The following KIAA0753 variants were observed in gnomAD, a reference collection of about 807,000 sequenced individuals.
KIAA0753 encodes the protein KIAA0753, also known as protein moonraker.
In KIAA0753, 114 loss-of-function variants were observed where a neutral mutation model predicts 116.9. The ratio of observed to expected loss-of-function variants is 0.98; its 90% CI spans 0.84 to 1.14. The LOEUF is 1.14. Ranked by LOEUF, KIAA0753 falls within the 50% of genes most tolerant of loss-of-function variation. KIAA0753 has a pLI of 0.00. For synonymous variants in KIAA0753, 405 were observed against 413.1 expected, an observed-to-expected ratio of 0.98 and a Z score of 0.24; for missense variants, 1,156 against 1,172.4, an observed-to-expected ratio of 0.99 and a Z score of 0.20.
Position 6,590,558 on chromosome 17 carries a change from C to T in KIAA0753, c.2513G>A (p.Arg838His), listed in dbSNP as rs765004531. ...HPIRITKTVD[R>H]KDPAVNIMLE... ...CATGATGTTCACGGCTGGATCCTTG[C>T]GATCCACTGTCTTCGTGATTCTGAT... The change falls in exon 17 of 19, where the codon CGC (arginine) becomes CAC (histidine). Residue 838 changes from arginine (R) to histidine (H), a missense_variant. Arg to His is a conservative substitution (Grantham distance 29). Transcript: ENST00000361413. The T allele has an allele frequency of 1.6e-5, 26 of 1,613,432 alleles. 1 individual carries two copies. The highest frequency in any genetic ancestry group is 1.5e-4 in the Admixed American group (9 of 59,996).
intron 18 of KIAA0753, among the ~76,000 whole-genome samples, chr17:6,580,726 A>ACAG (rs1338691502): frequency 1.3e-5 from 2 of 152,164 alleles, no homozygotes; most frequent in Non-Finnish European, 2.9e-5. Flanking sequence ...TAAAACATAC[A>ACAG]CAGGATGGAC....
Position 6,611,973 on chromosome 17 carries a change from C to G in KIAA0753, c.1491G>C (p.Val497=). 1 of 1,614,110 alleles carries G rather than the reference C, an allele frequency of 6.2e-7. No homozygotes were observed. ...AKTKAGKKKP[V]TENVPFRKKD... ...TCTTCCTAAACGGCACATTCTCAGT[C>G]ACAGGCTTCTTTTTCCCTGCTTTTG... The change falls in exon 8 of 19, where the codon GTG becomes GTC. Residue 497 remains valine (V), a synonymous_variant. Coordinates refer to ENST00000361413, the MANE Select transcript of KIAA0753 (RefSeq NM_014804.3).
intron 1 of KIAA0753, among the ~76,000 whole-genome samples, chr17:6,636,608 C>A (rs900786035): frequency 1.3e-5 from 2 of 152,076 alleles, no homozygotes; most frequent in African/African-American, 4.8e-5. Flanking sequence ...TTTCCCACTG[C>A]TCCAGGAAAC....
chr17:6,608,886 C>T (rs1970359179), intron 9 of KIAA0753, among the ~76,000 whole-genome samples: 1 of 152,216 alleles, frequency 6.6e-6, no homozygotes. Flanking sequence ...CTCTAAAAGA[C>T]AGTCCATTGT....
chr17:6,615,609 C>T (rs1246718840), intron 7 of KIAA0753, among the ~76,000 whole-genome samples: 9 of 88,446 alleles, frequency 1.0e-4, no homozygotes, highest in African/African-American at 2.6e-4. Flanking sequence ...AGCGAGACTC[C>T]GTCTCAAAAA....
chr17:6,606,996 C>A, intron 11 of KIAA0753, 34 bp from the exon 12 acceptor site: 1 of 1,589,902 alleles, frequency 6.3e-7, no homozygotes, highest in East Asian at 2.2e-5. Flanking sequence ...CCCCAACTCT[C>A]CTCAAGGCAG....
At chr17:6,628,972 A>C (rs1385489474) in intron 2 of KIAA0753, among the ~76,000 whole-genome samples, 1 of 152,158 alleles carries the variant, frequency 6.6e-6, no homozygotes, top group African/African-American at 2.4e-5. Flanking sequence ...TCTGTTTACT[A>C]ATGTCATACT....
At chr17:6,589,643 C>T (rs920973297) in intron 18 of KIAA0753, 136 bp downstream of exon 18, 12 of 608,554 alleles carry the variant, frequency 2.0e-5, no homozygotes, top group Admixed American at 3.6e-5. Context: ...TGTCTCCTAG[C>T]CCAAGAACAA....
In KIAA0753 at chr17:6,596,196, C is replaced by A. The variant is rs1445385596; in HGVS notation, c.2320G>T (p.Asp774Tyr). ...ATTCGGCGCATCATGATCTCCAGAT[C>A]TGGGCTATCCTTGCTGTCCTCAACG... ...ATVEDSKDSP[D>Y]LEIMMRRMEE... Residue 774 changes from aspartate (D) to tyrosine (Y), a missense_variant, in exon 15 of 19, where the codon GAT (aspartate) becomes TAT (tyrosine). Asp to Tyr is a radical substitution (Grantham distance 160, BLOSUM62 -3). Transcript: ENST00000361413. The A allele has an allele frequency of 1.2e-6, 2 of 1,613,808 alleles. No homozygotes were observed. The highest frequency in any genetic ancestry group is 8.5e-7 in the Non-Finnish European group (1 of 1,179,842).
rs77116621 is a variant in KIAA0753 at position 6,608,423 on chromosome 17, G to A, written c.1754C>T (p.Thr585Ile). ...ATCTTCTTGCTGGAGAGGCTCTTTT[G>A]TGGCATCTCTGGGGCTAGTTTTCAC... ...LKVKTSPRDA[T>I]KEPLQQEDPQ... Residue 585 changes from threonine (T) to isoleucine (I), a missense_variant, in exon 10 of 19, where the codon ACA becomes ATA. By Grantham distance (89) the Thr-to-Ile change is moderately conservative. Coordinates refer to ENST00000361413, the MANE Select transcript of KIAA0753 (RefSeq NM_014804.3). 3.2e-6 allele frequency: 5 copies of A among 1,567,040 alleles called. No homozygotes were observed. The African/African-American group carries it at 4.1e-5, about 13-fold the overall frequency.
At chr17:6,596,463 A>C in intron 14 of KIAA0753, 120 bp from the exon 15 acceptor site, 1 of 739,934 alleles carries the variant, frequency 1.4e-6, no homozygotes, top group Non-Finnish European at 2.2e-6. Context: ...AACAGCATAC[A>C]GATCCAAATG....
At chr17:6,595,628 ATTT>A (rs564003782) in intron 15 of KIAA0753, among the ~76,000 whole-genome samples, 6 of 152,324 alleles carry the variant, frequency 3.9e-5, no homozygotes, top group Admixed American at 3.9e-4. Flanking sequence ...CTCTGCCAGG[ATTT>A]TTTTGTGACC....
intron 3 of KIAA0753, among the ~76,000 whole-genome samples, chr17:6,625,938 G>T (rs1020778892): frequency 1.3e-5 from 2 of 152,178 alleles, no homozygotes; most frequent in African/African-American, 4.8e-5. Context: ...CTGGCCTCAA[G>T]TGATGCACCT....
chr17:6,610,260 T>G (rs1970444241), intron 8 of KIAA0753, 100 bp from the exon 9 acceptor site: 1 of 1,237,372 alleles, frequency 8.1e-7, no homozygotes, highest in African/African-American at 1.6e-5. Context: ...ATGTTATTCA[T>G]GCATCCATTC....
At chr17:6,600,562 C>T (rs535349173) in intron 12 of KIAA0753, 104 bp from the exon 13 acceptor site, 3 of 795,286 alleles carry the variant, frequency 3.8e-6, no homozygotes, top group Admixed American at 4.5e-5. Flanking sequence ...TGACCACGAG[C>T]TTCTCTAACC....
chr17:6,610,783 A>T (rs966725854), intron 8 of KIAA0753, among the ~76,000 whole-genome samples: 4 of 152,126 alleles, frequency 2.6e-5, no homozygotes, highest in Non-Finnish European at 5.9e-5. Flanking sequence ...TTTCATAAAA[A>T]TACTTAACCT....
rs757401083 is a variant in KIAA0753, at chr17:6,606,918, A to G, written c.1964T>C (p.Leu655Pro). The G allele has an allele frequency of 1.5e-5, 25 of 1,613,996 alleles. No homozygotes were observed. The highest frequency in any genetic ancestry group is 2.0e-5 in the Non-Finnish European group (24 of 1,179,990). The change falls in exon 12 of 19, where the codon CTG (leucine) becomes CCG (proline). Residue 655 changes from leucine (L) to proline (P), a missense_variant. Coordinates refer to ENST00000361413, the MANE Select transcript of KIAA0753 (RefSeq NM_014804.3). ...CATTTCTTCAGCTTTGAGCTCATTC[A>G]GTTCCTTTGTTCTTCTAGAAGTTTC... Reference protein sequence around the residue: ...DAETSRRTKELNELKAEEMYR... With the variant: ...DAETSRRTKEPNELKAEEMYR...
In KIAA0753 at chr17:6,590,622, T is replaced by A. The variant is rs754134918; in HGVS notation, c.2449A>T (p.Ile817Phe). ...WMQEENNDQK[I>F]SAISEKPLSP... Reference sequence around the variant, plus strand: ...AGAGGCTTTTCACTTATTGCTGAGATTTTTTGGTCTAGAAAAGGAGGGTCA... The same window carrying A: ...AGAGGCTTTTCACTTATTGCTGAGAATTTTTGGTCTAGAAAAGGAGGGTCA... Residue 817 changes from isoleucine to phenylalanine, a missense_variant, in exon 17 of 19, where the codon ATC becomes TTC. By Grantham distance (21) the Ile-to-Phe change is conservative. Coordinates refer to ENST00000361413, the MANE Select transcript of KIAA0753 (RefSeq NM_014804.3). 1.9e-6 allele frequency: 3 copies of A among 1,613,320 alleles called. No homozygotes were observed. Among genetic ancestry groups the A allele is most frequent in the East Asian group, 2.2e-5 (1 of 44,838 alleles).
Position 6,628,650 on chromosome 17 carries a change from AG to A in KIAA0753, c.184del (p.Leu62Ter), listed in dbSNP as rs746710591. The A allele has an allele frequency of 1.1e-5, 18 of 1,614,146 alleles. No individual in the cohort carries two copies. In the African/African-American group the frequency reaches 2.3e-4, roughly 20 times the overall value. ...GTATGATTCATTGTATGAGTGCTTC[AG>A]TTTTTCAATTCTAATGGCATGTGGG... ...SCPHAIRIEK[L>X]KHSYNESYHC... is the part of the protein sequence containing the mutation. On this transcript the variant is annotated frameshift_variant, in exon 3 of 19. Transcript: ENST00000361413. LOFTEE classifies it high-confidence loss of function.
Sources: gnomAD v4.1 joint callset for allele counts (sites outside exome capture counted in the v4.1 genomes callset) on GRCh38, gnomAD v4.1.1 for gene constraint, MANE v1.5 for transcripts, NCBI Gene and HGNC (gene_info 2026-07-23, HGNC 2026-07-21) for gene names.